The following SEC14L1 variants were observed in gnomAD, a reference collection of about 807,000 sequenced individuals.
SEC14L1 encodes SEC14-like protein 1.
In SEC14L1, 48 loss-of-function variants were observed where a neutral mutation model predicts 85.3. The observed-to-expected ratio is 0.56, with a 90% CI of 0.45 to 0.72. The LOEUF (loss-of-function observed/expected upper bound fraction) is 0.72. SEC14L1 is among the 30% of genes least tolerant of loss of function. The pLI, the probability that SEC14L1 is intolerant of heterozygous loss-of-function variation, is 0.00. For synonymous variants in SEC14L1, 391 were observed against 355.5 expected (o/e 1.10, Z -1.12); for missense variants, 682 against 921.4 (o/e 0.74, Z 3.36).
chr17:77,201,452 C>CTTTTT (rs540189374), intron 9 of SEC14L1, among the ~76,000 whole-genome samples: 1 of 138,422 alleles, frequency 7.2e-6, no homozygotes, highest in Non-Finnish European at 1.6e-5. Context: ...ACAAATGTGT[C>CTTTTT]TTTTTTTTTT....
rs1435247434 is a variant in SEC14L1 at position 77,194,681 on chromosome 17, A to G, written c.479A>G (p.Lys160Arg). 2 of 1,613,020 alleles carry G rather than the reference A, an allele frequency of 1.2e-6. No homozygotes were observed. Among genetic ancestry groups the G allele is most frequent in the African/African-American group, 2.7e-5 (2 of 74,906 alleles). Residue 160 changes from lysine (K) to arginine (R), a missense_variant, in exon 7 of 17, where the codon AAG (lysine) becomes AGG (arginine). Lys to Arg is a conservative substitution (Grantham distance 26). Transcript: ENST00000436233. ...TAAATTGGTTTTGTTTTAAAGGGAA[A>G]GGAAATCATCGAATACTACCTTCGC... The part of the protein sequence containing the change: ...KQYTSNIKKG[K>R]EIIEYYLRQL...
At chr17:77,115,445 TAAA>T (rs942722299) in intron 3 of SEC14L1, among the ~76,000 whole-genome samples, 3 of 151,478 alleles carry the variant, frequency 2.0e-5, no homozygotes, top group Admixed American at 6.6e-5. Flanking sequence ...AATAAATAAA[TAAA>T]AAAGCTGCAA....
At chr17:77,104,091 C>T (rs967519196) in intron 3 of SEC14L1, among the ~76,000 whole-genome samples, 6 of 151,626 alleles carry the variant, frequency 4.0e-5, no homozygotes, top group East Asian at 1.9e-4. Flanking sequence ...AAGCAGAGAC[C>T]GTATCCAAAG....
chr17:77,195,788 C>T (rs542523565), intron 7 of SEC14L1, among the ~76,000 whole-genome samples: 4 of 152,248 alleles, frequency 2.6e-5, no homozygotes, highest in African/African-American at 2.4e-5. Flanking sequence ...AGATTTCTTA[C>T]ATTCTCCAAC....
At chr17:77,115,006 T>C (rs1365082362) in intron 3 of SEC14L1, among the ~76,000 whole-genome samples, 1 of 152,132 alleles carries the variant, frequency 6.6e-6, no homozygotes, top group Non-Finnish European at 1.5e-5. Context: ...CTTGAACCAC[T>C]CCAGAAAACT....
intron 3 of SEC14L1, among the ~76,000 whole-genome samples, chr17:77,114,213 C>T (rs747544345): frequency 3.3e-5 from 5 of 152,184 alleles, no homozygotes; most frequent in Admixed American, 6.5e-5. Context: ...CTTCCCTCCA[C>T]CCCACCACAT....
At chr17:77,101,886 C>T (rs956131884) in intron 3 of SEC14L1, among the ~76,000 whole-genome samples, 6 of 152,132 alleles carry the variant, frequency 3.9e-5, no homozygotes, top group African/African-American at 7.2e-5. Flanking sequence ...CCAACAGTCC[C>T]GTTGCGGTCA....
chr17:77,145,781 G>A (rs1233467427), intron 3 of SEC14L1, among the ~76,000 whole-genome samples: 1 of 152,124 alleles, frequency 6.6e-6, no homozygotes, highest in African/African-American at 2.4e-5. Flanking sequence ...GAGGTTCCTG[G>A]CTGCTCTGGG....
chr17:77,104,805 A>G (rs1466000563), intron 3 of SEC14L1, among the ~76,000 whole-genome samples: 6 of 149,948 alleles, frequency 4.0e-5, no homozygotes, highest in Non-Finnish European at 7.4e-5. Flanking sequence ...AAAAAAAAAA[A>G]AAGAAAGTTT....
intron 3 of SEC14L1, among the ~76,000 whole-genome samples, chr17:77,161,867 C>T (rs1598324420): frequency 6.6e-6 from 1 of 150,994 alleles, no homozygotes; most frequent in Non-Finnish European, 1.5e-5. Flanking sequence ...CTCCCCTCCC[C>T]TCCCCTCCCT....
intron 3 of SEC14L1, among the ~76,000 whole-genome samples, chr17:77,128,669 G>A (rs1376496592): frequency 1.3e-5 from 2 of 151,848 alleles, no homozygotes; most frequent in Non-Finnish European, 2.9e-5. Flanking sequence ...GGCCAGGCTG[G>A]TCTTGAACTC....
intron 10 of SEC14L1, 44 bp from the exon 11 acceptor site, chr17:77,205,232 C>T: frequency 6.5e-7 from 1 of 1,541,648 alleles, no homozygotes. Flanking sequence ...GTAGTTTTAG[C>T]CTTAAACTAA....
At chr17:77,181,315 CT>C (rs1355970837) in intron 3 of SEC14L1, among the ~76,000 whole-genome samples, 3 of 152,214 alleles carry the variant, frequency 2.0e-5, no homozygotes, top group Non-Finnish European at 4.4e-5. Flanking sequence ...TGGTTTCCCC[CT>C]GAATAGCTTA....
At chr17:77,183,182 A>T (rs961896426) in intron 3 of SEC14L1, among the ~76,000 whole-genome samples, 1 of 152,258 alleles carries the variant, frequency 6.6e-6, no homozygotes, top group South Asian at 2.1e-4. Context: ...TTTATTTTAC[A>T]TGTGGACTTT....
At chr17:77,196,072 T>A (rs892605984) in intron 7 of SEC14L1, 130 bp from the exon 8 acceptor site, 10 of 657,644 alleles carry the variant, frequency 1.5e-5, no homozygotes, top group Non-Finnish European at 2.7e-6. Context: ...CTGGTTTACA[T>A]CTGCCATCTC....
At chr17:77,111,373 G>GAGGTTAAAAAAAA (rs1972041972) in intron 3 of SEC14L1, among the ~76,000 whole-genome samples, 1 of 151,302 alleles carries the variant, frequency 6.6e-6, no homozygotes, top group African/African-American at 2.4e-5. Flanking sequence ...AAAAGATTGT[G>GAGGTTAAAAAAAA]GAGACCAAAG....
chr17:77,099,825 T>C (rs1971725648), intron 3 of SEC14L1, among the ~76,000 whole-genome samples: 1 of 152,162 alleles, frequency 6.6e-6, no homozygotes, highest in African/African-American at 2.4e-5. Context: ...TCCAAGATAC[T>C]TCACCCCTTC....
At chr17:77,182,483 T>C (rs992668732) in intron 3 of SEC14L1, among the ~76,000 whole-genome samples, 2 of 152,234 alleles carry the variant, frequency 1.3e-5, no homozygotes, top group African/African-American at 4.8e-5. Flanking sequence ...GTTTTGTTTT[T>C]ATTACTGAAA....
At chr17:77,094,129 C>T (rs117430551) in intron 3 of SEC14L1, 3,202 of 151,850 alleles carry the variant, frequency 0.021, 72 homozygotes, top group Admixed American at 0.053. Flanking sequence ...CTGCATCCTC[C>T]GCCTCCCGGG....
Sources: gnomAD v4.1 joint callset for allele counts (sites outside exome capture counted in the v4.1 genomes callset) on GRCh38, gnomAD v4.1.1 for gene constraint, MANE v1.5 for transcripts, NCBI Gene and HGNC (gene_info 2026-07-23, HGNC 2026-07-21) for gene names.